DEPDC5: variants seen among roughly 807,000 people sequenced by gnomAD.
The protein encoded by DEPDC5 is DEP domain containing 5, GATOR1 subcomplex subunit.
Under a neutral mutation model 217.3 loss-of-function variants are expected in DEPDC5, and 73 were observed. The observed-to-expected ratio is 0.34, with a 90% CI of 0.28 to 0.41. The LOEUF (loss-of-function observed/expected upper bound fraction) is 0.41, where lower values mean the gene tolerates loss of function less well. DEPDC5 is among the 10% of genes least tolerant of loss of function. The pLI, the probability that DEPDC5 is intolerant of heterozygous loss-of-function variation, is 1.00. For synonymous variants in DEPDC5, 733 were observed against 756.7 expected, an observed-to-expected ratio of 0.97 and a Z score of 0.51; for missense variants, 1,675 against 2,070.1, an observed-to-expected ratio of 0.81 and a Z score of 3.70.
At chr22:31,804,331 C>G (rs2087234577) in intron 16 of DEPDC5, 108 bp downstream of exon 16, 1 of 1,082,482 alleles carries the variant, frequency 9.2e-7, no homozygotes, top group Non-Finnish European at 1.4e-6. Context: ...ACTCGAGAGG[C>G]TGAAGTGGGA....
chr22:31,800,509 TG>T (rs1477335444), intron 14 of DEPDC5, among the ~76,000 whole-genome samples: 1 of 152,232 alleles, frequency 6.6e-6, no homozygotes, highest in African/African-American at 2.4e-5. Context: ...GGTAGTCATT[TG>T]CTTCTCATGG....
intron 14 of DEPDC5, among the ~76,000 whole-genome samples, 169 bp downstream of exon 14, chr22:31,798,825 G>A (rs1159355645): frequency 6.6e-6 from 1 of 152,142 alleles, no homozygotes; most frequent in Admixed American, 6.6e-5. Context: ...AGAAAGTAAA[G>A]GAATAAAAGA....
Position 31,768,890 on chromosome 22 carries a change from T to C in DEPDC5, c.413+27T>C, listed in dbSNP as rs186787523. ...TAGATATTACATCACTCTTGCCTTA[T>C]CTGTGCAGTAACTGGGCTACATAAA... On this transcript the variant is annotated intron_variant, in intron 7 of 42. Transcript: ENST00000651528. 1.2e-4 allele frequency: 186 copies of C among 1,612,918 alleles called. No homozygotes were observed. In the African/African-American group the frequency reaches 2.2e-3, roughly 19 times the overall value.
At chr22:31,821,452 G>T in intron 22 of DEPDC5, 50 bp from the exon 23 acceptor site, 1 of 1,608,124 alleles carries the variant, frequency 6.2e-7, no homozygotes, top group East Asian at 2.2e-5. Flanking sequence ...TAAGTGCACA[G>T]CACTAGCTAT....
At chr22:31,892,690 A>G (rs1386497263) in intron 38 of DEPDC5, among the ~76,000 whole-genome samples, 1 of 152,118 alleles carries the variant, frequency 6.6e-6, no homozygotes, top group Non-Finnish European at 1.5e-5. Context: ...TCTCTGAAAA[A>G]GAAAGAAAGA....
chr22:31,796,939 C>T (rs1307873273), intron 12 of DEPDC5, among the ~76,000 whole-genome samples: 2 of 151,758 alleles, frequency 1.3e-5, no homozygotes, highest in African/African-American at 2.4e-5. Context: ...ACCTTATCCA[C>T]CTGCCTGGGC....
At chr22:31,898,148 G>C (rs549073693) in intron 40 of DEPDC5, among the ~76,000 whole-genome samples, 1 of 152,178 alleles carries the variant, frequency 6.6e-6, no homozygotes, top group Non-Finnish European at 1.5e-5. Context: ...GGAATGGTGC[G>C]TGTGACTCGA....
rs2093655215 is a variant in DEPDC5 at position 31,901,922 on chromosome 22, C to T, written c.4436+120C>T. 3 of 848,842 alleles carry T rather than the reference C, an allele frequency of 3.5e-6. No individual in the cohort carries two copies. The Admixed American group carries it at 6.3e-5, about 18-fold the overall frequency. The allele number at this position is 848,842 out of a possible 1,614,324, so 52.6% of individuals were successfully genotyped here. A position where few individuals can be genotyped will look rare whatever the true frequency, so the allele number is the denominator to read the frequency against. On this transcript the variant is annotated intron_variant, in intron 41 of 42. Transcript: ENST00000651528. ...AGAAAGGGATGTATTCCACCAATGG[C>T]AAATTCACTGCTTATCTCCAACAGG... is the stretch of plus-strand genomic sequence containing the variant.
intron 8 of DEPDC5, among the ~76,000 whole-genome samples, chr22:31,781,197 C>A (rs1481881462): frequency 1.5e-5 from 2 of 136,044 alleles, no homozygotes; most frequent in African/African-American, 5.6e-5. Context: ...GCCTGGGCAA[C>A]AAGAGCGAAA....
chr22:31,787,501 C>T lies in DEPDC5; in HGVS notation c.624+2626C>T, dbSNP rs374102954. Among the ~76,000 whole-genome samples, 8 of 152,196 alleles carry T rather than the reference C, an allele frequency of 5.3e-5. No homozygotes were observed. The East Asian group carries it at 1.5e-3, about 29-fold the overall frequency. ...AAAATTAAAAACTTTTGTGCATCAA[C>T]GGACATTGTCAAGAAAGTAAAGAGG... On this transcript the variant is annotated intron_variant, in intron 10 of 42. Transcript: ENST00000651528.
intron 10 of DEPDC5, among the ~76,000 whole-genome samples, chr22:31,790,860 C>T (rs1240104749): frequency 6.6e-6 from 1 of 151,100 alleles, no homozygotes; most frequent in Non-Finnish European, 1.5e-5. Context: ...GATTATCCTA[C>T]CTCAGCCTCC....
rs1482959617 is a variant in DEPDC5, at chr22:31,897,520, C to T, written c.4242C>T (p.Phe1414=). 3 of 1,613,924 alleles carry T rather than the reference C, an allele frequency of 1.9e-6. No individual in the cohort carries two copies. The East Asian group carries it at 6.7e-5, about 36-fold the overall frequency. The change falls in exon 40 of 43, where the codon TTC becomes TTT. Residue 1414 remains phenylalanine (F), a synonymous_variant. Coordinates refer to ENST00000651528, the MANE Select transcript of DEPDC5 (RefSeq NM_001242896.3). ...GWHRKATSCG[F]LLVPVLEGPF... ...ATCGGAAAGCCACCTCCTGTGGCTT[C>T]TTGTTAGTCCCAGTTTTGGAGGGGC...
intron 7 of DEPDC5, among the ~76,000 whole-genome samples, chr22:31,776,971 T>TA (rs2083924517): frequency 7.0e-6 from 1 of 143,100 alleles, no homozygotes. Flanking sequence ...TTATTATTAT[T>TA]TTTTTTTTTG....
intron 33 of DEPDC5, among the ~76,000 whole-genome samples, chr22:31,863,280 C>A (rs1227506379): frequency 6.6e-6 from 1 of 152,236 alleles, no homozygotes; most frequent in East Asian, 1.9e-4. Flanking sequence ...ATTTCTCTTG[C>A]CTCAGCCTCC....
chr22:31,806,239 C>A, intron 18 of DEPDC5, 48 bp downstream of exon 18: 3 of 1,526,820 alleles, frequency 2.0e-6, no homozygotes, highest in South Asian at 2.3e-5. Flanking sequence ...GTGGTCCAGT[C>A]TTATCTTGAG....
chr22:31,871,061 C>G (rs972400100), intron 34 of DEPDC5, among the ~76,000 whole-genome samples: 2 of 152,212 alleles, frequency 1.3e-5, no homozygotes, highest in African/African-American at 2.4e-5. Flanking sequence ...GGCACAATGT[C>G]TTGCACGTCA....
At chr22:31,819,980 A>T (rs1449798638) in intron 22 of DEPDC5, among the ~76,000 whole-genome samples, 1 of 152,122 alleles carries the variant, frequency 6.6e-6, no homozygotes, top group Non-Finnish European at 1.5e-5. Flanking sequence ...TTCCTAGTCC[A>T]TTCTTTTTTA....
intron 21 of DEPDC5, among the ~76,000 whole-genome samples, chr22:31,818,494 A>G (rs774564432): frequency 9.2e-5 from 14 of 152,184 alleles, no homozygotes; most frequent in Non-Finnish European, 1.9e-4. Context: ...TTTGAAGCAT[A>G]TAATTTCTAC....
At chr22:31,763,082 C>T (rs2148067433) in intron 4 of DEPDC5, among the ~76,000 whole-genome samples, 1 of 152,242 alleles carries the variant, frequency 6.6e-6, no homozygotes, top group South Asian at 2.1e-4. Flanking sequence ...CCTCCGCCTC[C>T]TGGATTCAAG....
Sources: allele counts gnomAD v4.1 joint callset (sites outside exome capture counted in the v4.1 genomes callset), GRCh38; gene constraint gnomAD v4.1.1; transcripts MANE v1.5; gene names NCBI Gene and HGNC (gene_info 2026-07-23, HGNC 2026-07-21).